Variants in DCC observed in about 807,000 individuals in gnomAD.
DCC encodes netrin receptor DCC.
Under a neutral mutation model 172.5 loss-of-function variants are expected in DCC, and 58 were observed. That is an observed-to-expected ratio of 0.34 (90% confidence interval 0.27 to 0.42). The LOEUF is 0.42. Ranked by LOEUF, DCC falls within the 10% of genes least tolerant of loss-of-function variation. The pLI is 1.00. For synonymous variants in DCC, 709 were observed against 644.5 expected (o/e 1.10, Z -1.52); for missense variants, 1,740 against 1,791.0 (o/e 0.97, Z 0.51).
At chr18:52,368,033 G>T (rs567552416) in intron 1 of DCC, among the ~76,000 whole-genome samples, 13 of 152,296 alleles carry the variant, frequency 8.5e-5, no homozygotes, top group Admixed American at 8.5e-4. Flanking sequence ...GAACTTTGCA[G>T]GTTTTGGACC....
At chr18:52,444,956 A>G (rs567090790) in intron 1 of DCC, among the ~76,000 whole-genome samples, 15 of 152,300 alleles carry the variant, frequency 9.8e-5, no homozygotes, top group African/African-American at 2.9e-4. Flanking sequence ...ATGTGTCTCA[A>G]TGAGGTCTGT....
chr18:52,575,039 G>A (rs992669174), intron 1 of DCC, among the ~76,000 whole-genome samples: 2 of 152,084 alleles, frequency 1.3e-5, no homozygotes, highest in East Asian at 3.9e-4. Context: ...CTGCCTCGTG[G>A]GGTTTTTATA....
At chr18:52,993,587 A>G (rs1434782221) in intron 5 of DCC, among the ~76,000 whole-genome samples, 1 of 152,144 alleles carries the variant, frequency 6.6e-6, no homozygotes, top group Non-Finnish European at 1.5e-5. Context: ...GGGATAGAAA[A>G]GGGTGTAGAG....
intron 1 of DCC, among the ~76,000 whole-genome samples, chr18:52,487,361 C>G (rs1454294277): frequency 2.0e-5 from 3 of 152,116 alleles, no homozygotes; most frequent in African/African-American, 7.2e-5. Context: ...TTTGTTCTAT[C>G]ATTGAGATAC....
intron 5 of DCC, among the ~76,000 whole-genome samples, chr18:52,992,122 G>T (rs950010656): frequency 6.6e-6 from 1 of 152,154 alleles, no homozygotes. Context: ...CGCCTTGTCC[G>T]CCCTTTATGC....
At chr18:52,414,632 C>T (rs750246841) in intron 1 of DCC, among the ~76,000 whole-genome samples, 1 of 152,048 alleles carries the variant, frequency 6.6e-6, no homozygotes, top group Non-Finnish European at 1.5e-5. Context: ...AAGAAGAAGC[C>T]CAGTCCCCAT....
At chr18:53,508,472 C>T (rs949646854) in intron 27 of DCC, among the ~76,000 whole-genome samples, 2 of 152,196 alleles carry the variant, frequency 1.3e-5, no homozygotes, top group African/African-American at 4.8e-5. Flanking sequence ...GGATTACAGG[C>T]ATGAGCCACC....
At chr18:52,946,942 C>T (rs1289847017) in intron 5 of DCC, among the ~76,000 whole-genome samples, 1 of 150,170 alleles carries the variant, frequency 6.7e-6, no homozygotes, top group African/African-American at 2.4e-5. Context: ...CCATAATAAA[C>T]AAAATATACA....
chr18:52,501,020 T>C (rs1293471662), intron 1 of DCC, among the ~76,000 whole-genome samples: 1 of 152,182 alleles, frequency 6.6e-6, no homozygotes, highest in East Asian at 1.9e-4. Flanking sequence ...ATTATAGTAG[T>C]ATCCACTGGT....
At chr18:53,189,104 A>G (rs948345983) in intron 9 of DCC, among the ~76,000 whole-genome samples, 14 of 152,156 alleles carry the variant, frequency 9.2e-5, no homozygotes, top group African/African-American at 2.9e-4. Flanking sequence ...GTACGATTCA[A>G]TGTCATCTGT....
rs531541283 is a variant in DCC, at chr18:52,345,428, AAG to A, written c.91+4553_91+4554del. On this transcript the variant is annotated intron_variant, in intron 1 of 28. Coordinates refer to ENST00000442544, the MANE Select transcript of DCC (RefSeq NM_005215.4). Reference sequence around the variant, plus strand: ...CTTATAATGCTCTGGAGGAAAATTTAAGAGTTTCATGAGTTGTCACAACAGTT... The same window carrying A: ...CTTATAATGCTCTGGAGGAAAATTTAAGTTTCATGAGTTGTCACAACAGTT... Among the ~76,000 whole-genome samples the A allele has an allele frequency of 5.8e-4, 88 of 152,296 alleles. No individual in the cohort carries two copies. The East Asian group carries it at 0.015, about 25-fold the overall frequency.
intron 22 of DCC, among the ~76,000 whole-genome samples, chr18:53,445,103 C>A (rs1038088795): frequency 2.6e-5 from 4 of 152,048 alleles, no homozygotes; most frequent in African/African-American, 9.7e-5. Flanking sequence ...GAACTGTACC[C>A]CCATAACGCT....
intron 13 of DCC, among the ~76,000 whole-genome samples, chr18:53,307,891 G>GTGTA (rs1411572806): frequency 2.1e-5 from 1 of 47,986 alleles, no homozygotes; most frequent in East Asian, 5.9e-4. Flanking sequence ...AGCAATGTGT[G>GTGTA]TGTATGTATA....
chr18:53,512,350 A>G (rs1286481524), intron 27 of DCC, among the ~76,000 whole-genome samples: 1 of 150,644 alleles, frequency 6.6e-6, no homozygotes, highest in South Asian at 2.1e-4. Context: ...ATAAAACCAC[A>G]AAGATGGGGA....
At chr18:52,449,613 G>A (rs1431280831) in intron 1 of DCC, among the ~76,000 whole-genome samples, 1 of 152,200 alleles carries the variant, frequency 6.6e-6, no homozygotes, top group Non-Finnish European at 1.5e-5. Flanking sequence ...GGTTGGGAGT[G>A]AGGTTTTCTT....
At chr18:53,259,119 G>A (rs199990829) in intron 12 of DCC, among the ~76,000 whole-genome samples, 1 of 151,816 alleles carries the variant, frequency 6.6e-6, no homozygotes, top group African/African-American at 2.4e-5. Flanking sequence ...CACATGAGAT[G>A]GGTTTCCTGA....
At chr18:53,327,787 C>A (rs1254696318) in intron 14 of DCC, among the ~76,000 whole-genome samples, 1 of 152,112 alleles carries the variant, frequency 6.6e-6, no homozygotes, top group African/African-American at 2.4e-5. Flanking sequence ...TCACTTGATG[C>A]TCATATGGGA....
chr18:52,967,400 A>G lies in DCC; in HGVS notation c.985+42030A>G, dbSNP rs531263121. On this transcript the variant is annotated intron_variant, in intron 5 of 28. Coordinates refer to ENST00000442544, the MANE Select transcript of DCC (RefSeq NM_005215.4). Reference sequence around the variant, plus strand: ...TTCTTAATGACAATGTAATTACTCAAATGTCAAAAGTTCTCTGCCAAGGCA... The same window carrying G: ...TTCTTAATGACAATGTAATTACTCAGATGTCAAAAGTTCTCTGCCAAGGCA... Among the ~76,000 whole-genome samples the G allele has an allele frequency of 9.9e-5, 15 of 152,282 alleles. No individual in the cohort carries two copies. In the South Asian group the frequency reaches 1.2e-3, roughly 13 times the overall value.
At chr18:52,769,177 A>G (rs964747649) in intron 2 of DCC, among the ~76,000 whole-genome samples, 1 of 152,202 alleles carries the variant, frequency 6.6e-6, no homozygotes, top group African/African-American at 2.4e-5. Flanking sequence ...AAGTGGATAT[A>G]CCATTTTGCA....
Sources: gnomAD v4.1 joint callset for allele counts (sites outside exome capture counted in the v4.1 genomes callset) on GRCh38, gnomAD v4.1.1 for gene constraint, MANE v1.5 for transcripts, NCBI Gene and HGNC (gene_info 2026-07-23, HGNC 2026-07-21) for gene names.